The following ADGRB2 variants were observed in gnomAD, a reference collection of about 807,000 sequenced individuals.
ADGRB2 encodes brain-specific angiogenesis inhibitor 2.
ADGRB2 carries 47 observed loss-of-function variants against 178.7 expected under a neutral mutation model. The observed-to-expected ratio is 0.26, with a 90% CI of 0.21 to 0.34. ADGRB2 has a LOEUF of 0.34. Among genes scored for constraint, ADGRB2 ranks in the 10% least tolerant of loss-of-function variants. ADGRB2 has a pLI of 1.00. For missense variants in ADGRB2, 1,584 were observed against 2,180.8 expected (o/e 0.73, Z 5.45); for synonymous variants, 870 against 912.4 (o/e 0.95, Z 0.84).
At position 31,756,326 on chromosome 1, in the gene ADGRB2, G is replaced by A. The variant is rs1339836779; in HGVS notation, c.511C>T (p.Arg171Cys). 2 of 1,612,976 alleles carry A rather than the reference G, an allele frequency of 1.2e-6. No homozygotes were observed. Among genetic ancestry groups the A allele is most frequent in the Non-Finnish European group, 1.7e-6 (2 of 1,179,968 alleles). The stretch of plus-strand genomic sequence containing the variant: ...GCTAGGGCAGCGGGCGCCAGCAGGC[G>A]CGGGGCCTCGGAGGGCTCAGCCGAC... ...CLSAEPSEAPRLLAPAALAFR... is the reference protein window; with the variant it reads ...CLSAEPSEAPCLLAPAALAFR... Residue 171 changes from arginine to cysteine, a missense_variant, in exon 4 of 33, where the codon CGC (arginine) becomes TGC (cysteine). By Grantham distance (180) the Arg-to-Cys change is radical (BLOSUM62 -3). Coordinates refer to ENST00000373658, the MANE Select transcript of ADGRB2 (RefSeq NM_001364857.2). This position sits in a 1 kb window ranked among gnomAD's most constrained non-coding sequence, Gnocchi z 8.5.
chr1:31,743,073 G>C, intron 6 of ADGRB2, 71 bp from the exon 7 acceptor site: 1 of 1,336,678 alleles, frequency 7.5e-7, no homozygotes, highest in South Asian at 1.8e-5. Context: ...CTGCCCATCC[G>C]CCCACCAATC....
At chr1:31,729,656 C>T (rs78491797) in intron 29 of ADGRB2, among the ~76,000 whole-genome samples, 202 of 152,346 alleles carry the variant, frequency 1.3e-3, no homozygotes, top group Non-Finnish European at 1.9e-3. Flanking sequence ...CCTGTTCCTC[C>T]GCCCATCACG....
intron 25 of ADGRB2, among the ~76,000 whole-genome samples, chr1:31,734,450 C>G (rs1301074243): frequency 1.3e-5 from 2 of 152,192 alleles, no homozygotes; most frequent in African/African-American, 4.8e-5. Flanking sequence ...CAGCCCAAGA[C>G]AGAGGGAGCT....
In ADGRB2 at chr1:31,744,609, G is replaced by A; in HGVS notation, c.922+39C>T. On this transcript the variant is annotated intron_variant, in intron 5 of 32. Coordinates refer to ENST00000373658, the MANE Select transcript of ADGRB2 (RefSeq NM_001364857.2). This position sits in a 1 kb window ranked among gnomAD's most constrained non-coding sequence, Gnocchi z 6.7. ...ACACACCACCAGACGCACACAGTCG[G>A]GCCCCCGCCGCAGAGGAAGGGAGGC... 3 of 1,606,310 alleles carry A rather than the reference G, an allele frequency of 1.9e-6. No individual in the cohort carries two copies. The highest frequency in any genetic ancestry group is 2.6e-6 in the Non-Finnish European group (3 of 1,174,800).
Position 31,761,277 on chromosome 1 carries a change from C to T in ADGRB2, c.-191+2607G>A, listed in dbSNP as rs974892266. Among the ~76,000 whole-genome samples, 1 of 147,938 alleles carries T rather than the reference C, an allele frequency of 6.8e-6. No individual in the cohort carries two copies. The highest frequency in any genetic ancestry group is 6.6e-5 in the Admixed American group (1 of 15,044). On this transcript the variant is annotated intron_variant, in intron 1 of 32. Coordinates refer to ENST00000373658, the MANE Select transcript of ADGRB2 (RefSeq NM_001364857.2). The surrounding 1 kb of genome is among the most constrained non-coding windows in gnomAD (Gnocchi z 4.2). Reference sequence around the variant, plus strand: ...CCCTTCCTCCGTGCCACCTTCCCTGCCCCCAAGCTACTCAGGCCAAAGCCA... The same window carrying T: ...CCCTTCCTCCGTGCCACCTTCCCTGTCCCCAAGCTACTCAGGCCAAAGCCA...
Position 31,728,391 on chromosome 1 carries a change from C to A in ADGRB2, c.4417-111G>T. The A allele has an allele frequency of 7.5e-7, 1 of 1,341,340 alleles. No individual in the cohort carries two copies. The highest frequency in any genetic ancestry group is 1.1e-6 in the Non-Finnish European group (1 of 950,916). 83.1% of individuals were successfully genotyped at this position (1,341,340 alleles called of 1,614,324 possible). ...CCACATCCCTCCCTGCTGCCAGCCCCTCTGGGACAAGACCTAGTTCTCTCT... is the reference window on the plus strand; with the variant it reads ...CCACATCCCTCCCTGCTGCCAGCCCATCTGGGACAAGACCTAGTTCTCTCT... On this transcript the variant is annotated intron_variant, in intron 30 of 32. Coordinates refer to ENST00000373658, the MANE Select transcript of ADGRB2 (RefSeq NM_001364857.2). The surrounding 1 kb of genome is among the most constrained non-coding windows in gnomAD (Gnocchi z 6.7).
At chr1:31,739,787 G>T in intron 14 of ADGRB2, 139 bp downstream of exon 14, 1 of 1,187,188 alleles carries the variant, frequency 8.4e-7, no homozygotes, top group Non-Finnish European at 1.2e-6. Context: ...GACATACACA[G>T]AGAAACAGAC....
chr1:31,739,831 C>T, intron 14 of ADGRB2, 95 bp downstream of exon 14: 1 of 1,296,286 alleles, frequency 7.7e-7, no homozygotes, highest in East Asian at 2.4e-5. Flanking sequence ...AGAATGTGGA[C>T]AGAAAGATAC....
intron 20 of ADGRB2, 137 bp from the exon 21 acceptor site, chr1:31,736,860 C>A: frequency 7.6e-7 from 1 of 1,322,338 alleles, no homozygotes; most frequent in East Asian, 2.5e-5. Flanking sequence ...CTGCCAGGCA[C>A]CCCCGCCTTC....
rs540570453 is a variant in ADGRB2, at chr1:31,744,308, C to T, written c.972G>A (p.Thr324=). ...EWSPWSVCSL[T]CGQGLQVRTR... ...TCCGCACCTGCAGACCCTGCCCACA[C>T]GTCAGGGAACACACGCTCCACGGGG... Residue 324 remains threonine, a synonymous_variant, in exon 6 of 33, where the codon ACG becomes ACA. Coordinates refer to ENST00000373658, the MANE Select transcript of ADGRB2 (RefSeq NM_001364857.2). This position sits in a 1 kb window ranked among gnomAD's most constrained non-coding sequence, Gnocchi z 6.7. 995 of 1,551,414 alleles carry T rather than the reference C, an allele frequency of 6.4e-4. 11 individuals are homozygous for T. The South Asian group carries it at 0.011, about 16-fold the overall frequency.
chr1:31,738,934 G>A lies in ADGRB2; in HGVS notation c.2499C>T (p.Pro833=), dbSNP rs942120611. Residue 833 remains proline, a synonymous_variant, in exon 16 of 33, where the codon CCC becomes CCT. Transcript: ENST00000373658. ...TLGLILPPPR[P]PLAVTSRVMT... ...TCACCCGGGATGTGACGGCCAGCGG[G>A]GGCCTGCGGGACAGGTACCGAAGTC... 12 of 1,608,722 alleles carry A rather than the reference G, an allele frequency of 7.5e-6. No individual in the cohort carries two copies. The highest frequency in any genetic ancestry group is 1.7e-5 in the Admixed American group (1 of 59,828).
intron 1 of ADGRB2, among the ~76,000 whole-genome samples, chr1:31,763,510 A>AAT (rs963256959): frequency 3.0e-5 from 4 of 133,610 alleles, no homozygotes; most frequent in African/African-American, 1.1e-4. Context: ...GGGGGGCTCT[A>AAT]ATAAAGGTGG....
chr1:31,732,062 C>T (rs1645314800), intron 28 of ADGRB2, 53 bp downstream of exon 28: 6 of 1,610,790 alleles, frequency 3.7e-6, no homozygotes, highest in Non-Finnish European at 5.1e-6. Flanking sequence ...CTCAAGGCCT[C>T]CCCTTCTTCT....
At chr1:31,760,041 T>G (rs1217642056) in intron 1 of ADGRB2, among the ~76,000 whole-genome samples, 1 of 152,182 alleles carries the variant, frequency 6.6e-6, no homozygotes, top group East Asian at 1.9e-4. Context: ...TCATAAACGC[T>G]GCCCTCTTGC....
chr1:31,757,024 A>G (rs2149060949), intron 3 of ADGRB2, among the ~76,000 whole-genome samples, 177 bp downstream of exon 3: 1 of 152,322 alleles, frequency 6.6e-6, no homozygotes, highest in Non-Finnish European at 1.5e-5. Context: ...GATAGGACCT[A>G]TCGCACAAGT....
At position 31,744,368 on chromosome 1, in the gene ADGRB2, G is replaced by A. The variant is rs1646161715; in HGVS notation, c.923-11C>T. Reference sequence around the variant, plus strand: ...CAGCCGCCGGGTCGCCTACGAGAGAGGGACAGCGTCGGCGGCAGGGGGCAC... The same window carrying A: ...CAGCCGCCGGGTCGCCTACGAGAGAAGGACAGCGTCGGCGGCAGGGGGCAC... On this transcript the variant is annotated splice_polypyrimidine_tract_variant and intron_variant, in intron 5 of 32. Transcript: ENST00000373658. The surrounding 1 kb of genome is among the most constrained non-coding windows in gnomAD (Gnocchi z 6.7). The A allele has an allele frequency of 6.5e-7, 1 of 1,549,224 alleles. No individual in the cohort carries two copies.
chr1:31,755,313 C>T lies in ADGRB2; in HGVS notation c.838+686G>A, dbSNP rs545662720. 2.8e-4 allele frequency among the ~76,000 whole-genome samples: 43 copies of T among 152,258 alleles called. No individual in the cohort carries two copies. Among genetic ancestry groups the T allele is most frequent in the Admixed American group, 2.1e-3 (32 of 15,300 alleles). On this transcript the variant is annotated intron_variant, in intron 4 of 32. Transcript: ENST00000373658. The surrounding 1 kb of genome is among the most constrained non-coding windows in gnomAD (Gnocchi z 5.1). Reference sequence around the variant, plus strand: ...CGGGAGCAGGCAGGACTCAAGGGCTCGCAGAGCTTTTGCCCAGTCAGCAGG... The same window carrying T: ...CGGGAGCAGGCAGGACTCAAGGGCTTGCAGAGCTTTTGCCCAGTCAGCAGG...
intron 17 of ADGRB2, 113 bp from the exon 18 acceptor site, chr1:31,738,439 C>T: frequency 6.5e-7 from 1 of 1,550,320 alleles, no homozygotes; most frequent in Non-Finnish European, 8.8e-7. Flanking sequence ...ATCCACGAGG[C>T]AACAGCAGGG....
Position 31,728,534 on chromosome 1 carries a change from G to T in ADGRB2, c.4416+64C>A. On this transcript the variant is annotated intron_variant, in intron 30 of 32. Transcript: ENST00000373658. The surrounding 1 kb of genome is among the most constrained non-coding windows in gnomAD (Gnocchi z 6.7). Reference sequence around the variant, plus strand: ...CAGAGCTTGGACTACTTTTAGGAGTGAGCCCTCCAGGGACAGACACCACAG... The same window carrying T: ...CAGAGCTTGGACTACTTTTAGGAGTTAGCCCTCCAGGGACAGACACCACAG... 1.2e-6 allele frequency: 2 copies of T among 1,606,912 alleles called. No individual in the cohort carries two copies. Among genetic ancestry groups the T allele is most frequent in the Non-Finnish European group, 1.7e-6 (2 of 1,173,518 alleles).
Sources: allele counts gnomAD v4.1 joint callset (sites outside exome capture counted in the v4.1 genomes callset), GRCh38; gene constraint gnomAD v4.1.1; non-coding constraint Gnocchi (gnomAD v3.1); transcripts MANE v1.5; gene names NCBI Gene and HGNC (gene_info 2026-07-23, HGNC 2026-07-21).